Variants in IL15RA observed in about 807,000 individuals in gnomAD.
IL15RA encodes the protein interleukin-15 receptor subunit alpha.
IL15RA carries 26 observed loss-of-function variants against 24.2 expected under a neutral mutation model. The observed-to-expected ratio is 1.07, with a 90% confidence interval of 0.79 to 1.49. The LOEUF (loss-of-function observed/expected upper bound fraction) is 1.49, where lower values mean the gene tolerates loss of function less well. Among genes scored for constraint, IL15RA ranks in the 40% most tolerant of loss-of-function variants. The pLI is 0.00. For missense variants in IL15RA, 354 were observed against 356.4 expected, an observed-to-expected ratio of 0.99 and a Z score of 0.05; for synonymous variants, 166 against 157.6, an observed-to-expected ratio of 1.05 and a Z score of -0.40.
chr10:5,968,603 C>G lies in IL15RA; in HGVS notation c.89-2264G>C. 1 of 591,370 alleles carries G rather than the reference C, an allele frequency of 1.7e-6. No homozygotes were observed. The highest frequency in any genetic ancestry group is 3.0e-6 in the Non-Finnish European group (1 of 331,400). The allele number at this position is 591,370 out of a possible 1,614,324, so 36.6% of individuals were successfully genotyped here. A position where few individuals can be genotyped will look rare whatever the true frequency, so the allele number is the denominator to read the frequency against. On this transcript the variant is annotated intron_variant, in intron 1 of 6. Transcript: ENST00000379977. This position sits in a 1 kb window ranked among gnomAD's most constrained non-coding sequence, Gnocchi z 5.4. ...CTGTTGCTATGGTTACCTGCAGAGC[C>G]CCACTGGCTTTGAGGCCTCTGGTGC...
At position 5,959,212 on chromosome 10, in the gene IL15RA, A is replaced by T. The variant is rs1212605100; in HGVS notation, c.616+542T>A. 2.1e-5 allele frequency among the ~76,000 whole-genome samples: 3 copies of T among 141,748 alleles called. No homozygotes were observed. The highest frequency in any genetic ancestry group is 3.0e-5 in the Non-Finnish European group (2 of 65,764). The allele number at this position is 141,748 out of a possible 152,430, so 93.0% of individuals were successfully genotyped here. On this transcript the variant is annotated intron_variant, in intron 5 of 6. Coordinates refer to ENST00000379977, the MANE Select transcript of IL15RA (RefSeq NM_002189.4). The surrounding 1 kb of genome is among the most constrained non-coding windows in gnomAD (Gnocchi z 4.1). Reference sequence around the variant, plus strand: ...ATAGAGATGGGGTCTTGCTATGTTGACCAGGCTGGCCTCAAATTCTGGCCT... The same window carrying T: ...ATAGAGATGGGGTCTTGCTATGTTGTCCAGGCTGGCCTCAAATTCTGGCCT...
rs1834983354 is a variant in IL15RA, at chr10:5,958,808, A to G, written c.616+946T>C. 6.6e-6 allele frequency among the ~76,000 whole-genome samples: 1 copy of G among 152,350 alleles called. No individual in the cohort carries two copies. Among genetic ancestry groups the G allele is most frequent in the Middle Eastern group, 3.4e-3 (1 of 294 alleles). ...ACCACAAAAATATGAGTCATTCTCTAGCAGAAAAATTTATGAACAGAAGAT... is the reference window on the plus strand; with the variant it reads ...ACCACAAAAATATGAGTCATTCTCTGGCAGAAAAATTTATGAACAGAAGAT... On this transcript the variant is annotated intron_variant, in intron 5 of 6. Transcript: ENST00000379977. The surrounding 1 kb of genome is among the most constrained non-coding windows in gnomAD (Gnocchi z 4.3).
In IL15RA at chr10:5,971,742, C is replaced by T. The variant is rs577518618; in HGVS notation, c.89-5403G>A. Among the ~76,000 whole-genome samples the T allele has an allele frequency of 6.6e-5, 10 of 152,334 alleles. No homozygotes were observed. The East Asian group carries it at 1.9e-3, about 29-fold the overall frequency. ...TTCCTTATTTTCCCCGCTGAAATGT[C>T]AGCCAAGTCAACACACTTCCTTTTG... is the stretch of plus-strand genomic sequence containing the variant. On this transcript the variant is annotated intron_variant, in intron 1 of 6. Transcript: ENST00000379977. This position sits in a 1 kb window ranked among gnomAD's most constrained non-coding sequence, Gnocchi z 5.5.
rs1443175966 is a variant in IL15RA at position 5,966,639 on chromosome 10, TAA to T, written c.89-302_89-301del. ...CCCTCTCCAAGCCCTCAGTCTCTCT[TAA>T]AGTCTTCACCCCTCTCCACCGTGGA... On this transcript the variant is annotated intron_variant, in intron 1 of 6. Transcript: ENST00000379977. The surrounding 1 kb of genome is among the most constrained non-coding windows in gnomAD (Gnocchi z 6.4). Among the ~76,000 whole-genome samples the T allele has an allele frequency of 2.6e-5, 4 of 151,952 alleles. No individual in the cohort carries two copies.
Position 5,966,023 on chromosome 10 carries a change from C to T in IL15RA, c.283+122G>A, listed in dbSNP as rs1589221252. The T allele has an allele frequency of 3.1e-6, 2 of 651,180 alleles. No homozygotes were observed. Among genetic ancestry groups the T allele is most frequent in the Non-Finnish European group, 5.2e-6 (2 of 387,070 alleles). The allele number at this position is 651,180 out of a possible 1,614,324, so 40.3% of individuals were successfully genotyped here. The stretch of plus-strand genomic sequence containing the variant: ...GGTGTGAGCCACCGTGCCCGGCCCC[C>T]ACTGGTGTGTTTAGCCTCAGACCTC... On this transcript the variant is annotated intron_variant, in intron 2 of 6. Coordinates refer to ENST00000379977, the MANE Select transcript of IL15RA (RefSeq NM_002189.4). This position sits in a 1 kb window ranked among gnomAD's most constrained non-coding sequence, Gnocchi z 6.4.
At chr10:5,976,390 G>A (rs895847586) in intron 1 of IL15RA, among the ~76,000 whole-genome samples, 2 of 152,210 alleles carry the variant, frequency 1.3e-5, no homozygotes, top group African/African-American at 4.8e-5. Flanking sequence ...AAATTATTCA[G>A]GGTCTCGCTT....
chr10:5,951,141 CAAAAAAAAA>C (rs60771366), downstream of IL15RA, among the ~76,000 whole-genome samples: 6 of 35,950 alleles, frequency 1.7e-4, no homozygotes, highest in East Asian at 1.9e-3. Flanking sequence ...GACTCAGTCT[CAAAAAAAAA>C]AAAAAAAAAA....
chr10:5,958,508 C>T lies in IL15RA; in HGVS notation c.616+1246G>A, dbSNP rs529806172. 6.6e-6 allele frequency among the ~76,000 whole-genome samples: 1 copy of T among 152,306 alleles called. No homozygotes were observed. The highest frequency in any genetic ancestry group is 2.1e-4 in the South Asian group (1 of 4,828). On this transcript the variant is annotated intron_variant, in intron 5 of 6. Coordinates refer to ENST00000379977, the MANE Select transcript of IL15RA (RefSeq NM_002189.4). The surrounding 1 kb of genome is among the most constrained non-coding windows in gnomAD (Gnocchi z 4.3). ...TCCAGCAATTCTCCCACCTCAGCAT[C>T]CCGAGTAGGTGGGACTACAGGCATG...
intron 1 of IL15RA, among the ~76,000 whole-genome samples, chr10:5,974,762 A>T (rs1418183617): frequency 3.3e-5 from 5 of 152,118 alleles, no homozygotes; most frequent in Admixed American, 3.3e-4. Context: ...CTGTAGTCCC[A>T]GCTACTCAGG....
At chr10:5,957,070 C>T (rs1834640612) in intron 5 of IL15RA, among the ~76,000 whole-genome samples, 2 of 151,508 alleles carry the variant, frequency 1.3e-5, no homozygotes, top group African/African-American at 4.9e-5. Context: ...AGTGATTCTC[C>T]TGCCTCAGCC....
rs1199327840 is a variant in IL15RA, at chr10:5,970,004, G to A, written c.89-3665C>T. Among the ~76,000 whole-genome samples, 1 of 152,050 alleles carries A rather than the reference G, an allele frequency of 6.6e-6. No homozygotes were observed. The highest frequency in any genetic ancestry group is 6.6e-5 in the Admixed American group (1 of 15,264). On this transcript the variant is annotated intron_variant, in intron 1 of 6. Coordinates refer to ENST00000379977, the MANE Select transcript of IL15RA (RefSeq NM_002189.4). The surrounding 1 kb of genome is among the most constrained non-coding windows in gnomAD (Gnocchi z 4.1). ...GTATTTTGCATATTGATTTTTTGGT[G>A]TCTTGACTCTGTATTCTGCACCCTT... is the stretch of plus-strand genomic sequence containing the variant.
chr10:5,978,305 C>A, upstream of IL15RA: 1 of 152,700 alleles, frequency 6.5e-6, no homozygotes. This position sits in a 1 kb window ranked among gnomAD's most constrained non-coding sequence, Gnocchi z 5.2. Flanking sequence ...TCCAGGCTGC[C>A]ATCCTCCTCT....
chr10:5,956,378 C>T lies in IL15RA; in HGVS notation c.692+1G>A, dbSNP rs2132294541. Reference sequence around the variant, plus strand: ...CAGAGGGAGTATCCAGTGCAACTCACCTTGACTTGAGGTAGCATGCCAGGA... The same window carrying T: ...CAGAGGGAGTATCCAGTGCAACTCATCTTGACTTGAGGTAGCATGCCAGGA... On this transcript the variant is annotated splice_donor_variant, in intron 6 of 6. Coordinates refer to ENST00000379977, the MANE Select transcript of IL15RA (RefSeq NM_002189.4). LOFTEE classifies it high-confidence loss of function. The T allele has an allele frequency of 1.2e-6, 2 of 1,611,264 alleles. No individual in the cohort carries two copies. The highest frequency in any genetic ancestry group is 2.2e-5 in the East Asian group (1 of 44,862).
downstream of IL15RA, chr10:5,949,318 C>G (rs1213065476): frequency 2.1e-6 from 1 of 471,056 alleles, no homozygotes; most frequent in Non-Finnish European, 4.4e-6. The surrounding 1 kb of genome is among the most constrained non-coding windows in gnomAD (Gnocchi z 4.4). Context: ...AACAGCACCA[C>G]TAGAATGGGT....
Position 5,975,019 on chromosome 10 carries a change from C to CA in IL15RA, c.88+2385dup, listed in dbSNP as rs34573843. ...GGGAAACAATGGTGTGACATTGTTT[C>CA]AAAAAAAAAAAAATTAAACATACAC... On this transcript the variant is annotated intron_variant, in intron 1 of 6. Transcript: ENST00000379977. This position sits in a 1 kb window ranked among gnomAD's most constrained non-coding sequence, Gnocchi z 4.8. Among the ~76,000 whole-genome samples the CA allele has an allele frequency of 0.35, 50,245 of 144,172 alleles. 9,588 individuals carry two copies. Among genetic ancestry groups the CA allele is most frequent in the Middle Eastern group, 0.45 (128 of 286 alleles). The allele number at this position is 144,172 out of a possible 152,430, so 94.6% of individuals were successfully genotyped here.
In IL15RA at chr10:5,959,694, A is replaced by C; in HGVS notation, c.616+60T>G. 6.5e-7 allele frequency: 1 copy of C among 1,539,120 alleles called. No homozygotes were observed. Among genetic ancestry groups the C allele is most frequent in the East Asian group, 2.2e-5 (1 of 44,578 alleles). ...CAGCGGGCCTGGGCCAGGACCACCC[A>C]GCACCCTGGGACTGCGGTCACCCTG... On this transcript the variant is annotated intron_variant, in intron 5 of 6. Coordinates refer to ENST00000379977, the MANE Select transcript of IL15RA (RefSeq NM_002189.4). The surrounding 1 kb of genome is among the most constrained non-coding windows in gnomAD (Gnocchi z 4.1).
At position 5,963,707 on chromosome 10, in the gene IL15RA, GAATGAA is replaced by G. The variant is rs1378322335; in HGVS notation, c.382+30_382+35del. On this transcript the variant is annotated intron_variant, in intron 3 of 6. Transcript: ENST00000379977. This position sits in a 1 kb window ranked among gnomAD's most constrained non-coding sequence, Gnocchi z 5.3. ...GAGCGGGCCTCTGGGTGTTGGGAGGGAATGAATGTCCTCGAGAAGTTTCTGACCTTC... is the reference window on the plus strand; with the variant it reads ...GAGCGGGCCTCTGGGTGTTGGGAGGGTGTCCTCGAGAAGTTTCTGACCTTC... The G allele has an allele frequency of 4.4e-6, 6 of 1,364,548 alleles. No homozygotes were observed. In the African/African-American group the frequency reaches 9.2e-5, roughly 21 times the overall value. The allele number at this position is 1,364,548 out of a possible 1,614,324, so 84.5% of individuals were successfully genotyped here.
At chr10:5,976,631 T>C (rs8177636) in intron 1 of IL15RA, among the ~76,000 whole-genome samples, 50,176 of 151,912 alleles carry the variant, frequency 0.33, 9,349 homozygotes, top group Non-Finnish European at 0.42. Context: ...ACTGTTTTCC[T>C]CCTTCCTCTG....
At position 5,953,248 on chromosome 10, in the gene IL15RA, G is replaced by A. The variant is rs1366139383; in HGVS notation, c.693-42C>T. The A allele has an allele frequency of 6.9e-7, 1 of 1,449,968 alleles. No homozygotes were observed. The highest frequency in any genetic ancestry group is 9.7e-7 in the Non-Finnish European group (1 of 1,030,334). 89.8% of individuals were successfully genotyped at this position (1,449,968 alleles called of 1,614,324 possible). ...TCATAGGTTTTGAAAAGAGGAGGGGGTTGCCCTCAAATCAACAGACGCTTC... is the reference window on the plus strand; with the variant it reads ...TCATAGGTTTTGAAAAGAGGAGGGGATTGCCCTCAAATCAACAGACGCTTC... On this transcript the variant is annotated intron_variant, in intron 6 of 6. Coordinates refer to ENST00000379977, the MANE Select transcript of IL15RA (RefSeq NM_002189.4). This position sits in a 1 kb window ranked among gnomAD's most constrained non-coding sequence, Gnocchi z 5.3.
Sources: gnomAD v4.1 joint callset for allele counts (sites outside exome capture counted in the v4.1 genomes callset) on GRCh38, gnomAD v4.1.1 for gene constraint, Gnocchi (gnomAD v3.1) non-coding constraint, MANE v1.5 for transcripts, NCBI Gene and HGNC (gene_info 2026-07-23, HGNC 2026-07-21) for gene names.